LARS2: variants seen among roughly 807,000 people sequenced by gnomAD.
The protein encoded by LARS2 is leucine--tRNA ligase, mitochondrial.
In LARS2, 81 loss-of-function variants were observed where a neutral mutation model predicts 116.6. That is an observed-to-expected ratio of 0.69 (90% CI 0.58 to 0.84). LARS2 has a LOEUF of 0.84. Ranked by LOEUF, LARS2 falls within the 40% of genes least tolerant of loss-of-function variation. The pLI is 0.00. For missense variants in LARS2, 968 were observed against 1,114.5 expected (o/e 0.87, Z 1.87); for synonymous variants, 396 against 407.2 (o/e 0.97, Z 0.33).
At chr3:45,500,705 G>A in intron 15 of LARS2, 126 bp downstream of exon 15, 2 of 686,714 alleles carry the variant, frequency 2.9e-6, no homozygotes, top group South Asian at 2.3e-5. Context: ...ATGCTTTAGA[G>A]GTTGTCAACC....
intron 15 of LARS2, among the ~76,000 whole-genome samples, chr3:45,504,352 A>AGC (rs1291921836): frequency 1.3e-5 from 2 of 152,092 alleles, no homozygotes; most frequent in African/African-American, 2.4e-5. Flanking sequence ...ATTACAATGA[A>AGC]GCACATTGAA....
At chr3:45,503,784 A>G (rs1023068403) in intron 15 of LARS2, among the ~76,000 whole-genome samples, 2 of 151,934 alleles carry the variant, frequency 1.3e-5, no homozygotes, top group African/African-American at 4.8e-5. Flanking sequence ...TTATTTCCCT[A>G]TCCAGATAAC....
chr3:45,446,324 C>T (rs979101549), intron 6 of LARS2, among the ~76,000 whole-genome samples: 10 of 152,130 alleles, frequency 6.6e-5, no homozygotes, highest in Non-Finnish European at 1.5e-5. Flanking sequence ...CAAGTGGTTT[C>T]TTACTAAGTT....
intron 8 of LARS2, among the ~76,000 whole-genome samples, chr3:45,470,001 C>T (rs2125715963): frequency 6.6e-6 from 1 of 152,306 alleles, no homozygotes; most frequent in East Asian, 1.9e-4. Flanking sequence ...CTTCCATTCT[C>T]TCAAATCTGT....
chr3:45,436,353 A>C (rs1041452154), intron 6 of LARS2, among the ~76,000 whole-genome samples: 1 of 152,076 alleles, frequency 6.6e-6, no homozygotes, highest in African/African-American at 2.4e-5. Context: ...TTTCAAAAAA[A>C]AAAAAACAAA....
intron 12 of LARS2, among the ~76,000 whole-genome samples, chr3:45,489,858 G>C (rs1031866482): frequency 2.0e-5 from 3 of 152,178 alleles, no homozygotes; most frequent in Non-Finnish European, 2.9e-5. Context: ...AGTTGATTCT[G>C]ATGTGCAGCA....
At chr3:45,410,311 T>C (rs1380384536) in intron 4 of LARS2, among the ~76,000 whole-genome samples, 2 of 115,002 alleles carry the variant, frequency 1.7e-5, no homozygotes. Flanking sequence ...TTGGATTCTT[T>C]TTTTTTTTTT....
At chr3:45,393,640 T>C (rs567470725) in intron 2 of LARS2, among the ~76,000 whole-genome samples, 1 of 152,026 alleles carries the variant, frequency 6.6e-6, no homozygotes, top group Admixed American at 6.5e-5. Flanking sequence ...ATATTCCCAG[T>C]ACTTAGAACA....
At chr3:45,541,271 A>C (rs962196183) in intron 20 of LARS2, among the ~76,000 whole-genome samples, 2 of 152,056 alleles carry the variant, frequency 1.3e-5, no homozygotes, top group Non-Finnish European at 2.9e-5. Flanking sequence ...ACCCTGAGCC[A>C]AGGAAAGCTC....
chr3:45,400,237 T>G lies in LARS2; in HGVS notation c.235-8T>G, dbSNP rs756935562. 6.2e-7 allele frequency: 1 copy of G among 1,612,132 alleles called. No individual in the cohort carries two copies. ...GCTTAATAAATACTCATTGTCGTTC[T>G]TTCCTAGAAATCGAAGCCAAAATTT... On this transcript the variant is annotated splice_polypyrimidine_tract_variant and splice_region_variant and intron_variant, in intron 3 of 21. Coordinates refer to ENST00000645846, the MANE Select transcript of LARS2 (RefSeq NM_015340.4).
At position 45,417,626 on chromosome 3, in the gene LARS2, T is replaced by C. The variant is rs576685032; in HGVS notation, c.455+53T>C. The C allele has an allele frequency of 1.7e-4, 233 of 1,362,398 alleles. No individual in the cohort carries two copies. In the African/African-American group the frequency reaches 2.5e-3, roughly 15 times the overall value. The allele number at this position is 1,362,398 out of a possible 1,614,324, so 84.4% of individuals were successfully genotyped here. ...CTTGCATACAAAAACCTTTAAAAAA[T>C]TTTTTTAACCTGTGCTTAAAAAATA... On this transcript the variant is annotated intron_variant, in intron 5 of 21. Coordinates refer to ENST00000645846, the MANE Select transcript of LARS2 (RefSeq NM_015340.4).
At chr3:45,438,145 C>T (rs1479119031) in intron 6 of LARS2, among the ~76,000 whole-genome samples, 4 of 151,996 alleles carry the variant, frequency 2.6e-5, no homozygotes, top group African/African-American at 9.7e-5. Flanking sequence ...TTTGTCAGCC[C>T]CTGGTAAGCA....
At chr3:45,468,596 A>G (rs1237308764) in intron 8 of LARS2, among the ~76,000 whole-genome samples, 1 of 152,200 alleles carries the variant, frequency 6.6e-6, no homozygotes, top group African/African-American at 2.4e-5. Flanking sequence ...CATCGTCTGC[A>G]TTCTTACCAG....
intron 13 of LARS2, among the ~76,000 whole-genome samples, chr3:45,495,737 G>A (rs867565998): frequency 6.6e-6 from 1 of 152,146 alleles, no homozygotes; most frequent in Non-Finnish European, 1.5e-5. Flanking sequence ...TCAGAGAAGT[G>A]GAAAATAAGG....
In LARS2 at chr3:45,500,463, C is replaced by T. The variant is rs752860163; in HGVS notation, c.1644C>T (p.Ala548=). The change falls in exon 15 of 22, where the codon GCC becomes GCT. Residue 548 remains alanine (A), a synonymous_variant. Transcript: ENST00000645846. ...ACAGCCCTTTTAACACAGCAGTGGC[C>T]GATTACTGGATGCCTGTGGATTTGT... ...NPHSPFNTAV[A]DYWMPVDLYI... 1.4e-5 allele frequency: 23 copies of T among 1,605,388 alleles called. No homozygotes were observed. The highest frequency in any genetic ancestry group is 1.6e-4 in the Middle Eastern group (1 of 6,072).
At chr3:45,544,043 GGT>G (rs1700838280) in intron 21 of LARS2, among the ~76,000 whole-genome samples, 1 of 152,178 alleles carries the variant, frequency 6.6e-6, no homozygotes, top group Non-Finnish European at 1.5e-5. Context: ...ACCCAGGCTG[GGT>G]CAGCACCGTG....
chr3:45,417,361 A>G (rs1698443801), intron 4 of LARS2, 121 bp from the exon 5 acceptor site: 1 of 765,824 alleles, frequency 1.3e-6, no homozygotes, highest in African/African-American at 1.7e-5. Flanking sequence ...GCATAACCTG[A>G]AAACATCCAG....
At chr3:45,400,431 A>G (rs187544075) in intron 4 of LARS2, 58 bp downstream of exon 4, 1 of 1,528,370 alleles carries the variant, frequency 6.5e-7, no homozygotes, top group Admixed American at 2.2e-5. Context: ...GTTGGCATGT[A>G]GTAATATGTG....
chr3:45,476,574 A>G lies in LARS2; in HGVS notation c.965A>G (p.His322Arg), dbSNP rs149441186. 8.7e-6 allele frequency: 14 copies of G among 1,614,040 alleles called. No individual in the cohort carries two copies. Among genetic ancestry groups the G allele is most frequent in the African/African-American group, 1.3e-5 (1 of 74,924 alleles). Residue 322 changes from histidine (H) to arginine (R), a missense_variant, in exon 10 of 22, where the codon CAT (histidine) becomes CGT (arginine). Physicochemically the swap from His to Arg is conservative, Grantham distance 29 (BLOSUM62 0). Transcript: ENST00000645846. ...VAISPSHRLLHGHSSLKEALR... is the reference protein window; with the variant it reads ...VAISPSHRLLRGHSSLKEALR... ...ATCTCGCCCAGCCACAGACTCCTAC[A>G]TGGGCACAGCTCTCTGAAGGAAGCC...
Sources: gnomAD v4.1 joint callset for allele counts (sites outside exome capture counted in the v4.1 genomes callset) on GRCh38, gnomAD v4.1.1 for gene constraint, MANE v1.5 for transcripts, NCBI Gene and HGNC (gene_info 2026-07-23, HGNC 2026-07-21) for gene names.